The following ZNF704 variants were observed in gnomAD, a reference collection of about 807,000 sequenced individuals.
ZNF704 encodes glucocorticoid induced gene 1.
In ZNF704, 10 loss-of-function variants were observed where a neutral mutation model predicts 44.7. The ratio of observed to expected loss-of-function variants is 0.22; its 90% CI spans 0.14 to 0.38. ZNF704 has a LOEUF of 0.38. ZNF704 is among the 10% of genes least tolerant of loss of function. ZNF704 has a pLI of 1.00. For synonymous variants in ZNF704, 211 were observed against 207.6 expected, an observed-to-expected ratio of 1.02 and a Z score of -0.14; for missense variants, 390 against 545.5, an observed-to-expected ratio of 0.71 and a Z score of 2.84.
At chr8:80,680,507 T>C (rs1433808550) in intron 4 of ZNF704, among the ~76,000 whole-genome samples, 4 of 152,166 alleles carry the variant, frequency 2.6e-5, no homozygotes, top group African/African-American at 9.6e-5. Flanking sequence ...GCAGGTGAGT[T>C]GGCTGCATTA....
intron 7 of ZNF704, 89 bp downstream of exon 7, chr8:80,659,496 T>G: frequency 9.7e-7 from 1 of 1,031,962 alleles, no homozygotes; most frequent in Non-Finnish European, 1.5e-6. Context: ...GATGTTTGTA[T>G]TTTTCTTGCA....
At position 80,665,009 on chromosome 8, in the gene ZNF704, A is replaced by C. The variant is rs745631577; in HGVS notation, c.733T>G (p.Ser245Ala). 1 of 1,614,230 alleles carries C rather than the reference A, an allele frequency of 6.2e-7. No individual in the cohort carries two copies. Among genetic ancestry groups the C allele is most frequent in the Non-Finnish European group, 8.5e-7 (1 of 1,180,034 alleles). ...AGGCTGCTCAGCCCGTCTGCCACTG[A>C]GTCTGTGTTGAGCTTGATCTCAGTG... ...YYTEIKLNTDSVADGLSSLAP... is the reference protein window; with the variant it reads ...YYTEIKLNTDAVADGLSSLAP... Residue 245 changes from serine (S) to alanine (A), a missense_variant, in exon 6 of 9, where the codon TCA becomes GCA. Physicochemically the swap from Ser to Ala is moderately conservative, Grantham distance 99. Transcript: ENST00000327835.
intron 5 of ZNF704, among the ~76,000 whole-genome samples, chr8:80,666,787 C>T (rs1460902036): frequency 1.3e-5 from 2 of 149,420 alleles, no homozygotes; most frequent in Non-Finnish European, 3.0e-5. Flanking sequence ...CTGTTCATGT[C>T]CTTCGCCCAC....
chr8:80,643,148 A>T lies in ZNF704; in HGVS notation c.1033-19T>A, dbSNP rs1464533584. 6.3e-7 allele frequency: 1 copy of T among 1,584,376 alleles called. No individual in the cohort carries two copies. Among genetic ancestry groups the T allele is most frequent in the Non-Finnish European group, 8.6e-7 (1 of 1,163,090 alleles). On this transcript the variant is annotated intron_variant, in intron 7 of 8. Transcript: ENST00000327835. ...GTGACACCTGGTGAATACATGGAAA[A>T]GAAAGTTGATGGGGCAGGTTCTCCA...
intron 2 of ZNF704, among the ~76,000 whole-genome samples, chr8:80,754,243 C>A (rs1437511901): frequency 6.6e-6 from 1 of 152,076 alleles, no homozygotes; most frequent in Non-Finnish European, 1.5e-5. Flanking sequence ...AACGGGACAG[C>A]CAGTATCTCC....
At chr8:80,848,165 T>C (rs578148362) in intron 1 of ZNF704, among the ~76,000 whole-genome samples, 3 of 152,334 alleles carry the variant, frequency 2.0e-5, no homozygotes, top group East Asian at 3.9e-4. Context: ...TGCAATTCCA[T>C]GTATATAACA....
chr8:80,744,486 G>C (rs1340499674), intron 2 of ZNF704, among the ~76,000 whole-genome samples: 2 of 152,120 alleles, frequency 1.3e-5, no homozygotes, highest in Admixed American at 6.5e-5. Flanking sequence ...CCTTGTTGCA[G>C]AGTATAATCA....
Position 80,786,667 on chromosome 8 carries a change from G to A in ZNF704, c.221+34707C>T, listed in dbSNP as rs118041194. Among the ~76,000 whole-genome samples, 28 of 152,250 alleles carry A rather than the reference G, an allele frequency of 1.8e-4. No homozygotes were observed. In the East Asian group the frequency reaches 5.2e-3, roughly 28 times the overall value. ...ACTTTATCATAAAGAGAAATGTGCT[G>A]GTCTTGAAAAGTCATGAACTCTGTA... On this transcript the variant is annotated intron_variant, in intron 2 of 8. Transcript: ENST00000327835.
At chr8:80,755,237 CGGGCAGA>C (rs1563542248) in intron 2 of ZNF704, among the ~76,000 whole-genome samples, 1 of 151,990 alleles carries the variant, frequency 6.6e-6, no homozygotes, top group Non-Finnish European at 1.5e-5. Context: ...GAGGCCAAGA[CGGGCAGA>C]TCATGAGGTC....
intron 2 of ZNF704, among the ~76,000 whole-genome samples, chr8:80,761,411 T>C (rs920150569): frequency 6.6e-6 from 1 of 152,162 alleles, no homozygotes; most frequent in Non-Finnish European, 1.5e-5. Context: ...ATTCTAACTA[T>C]AAATTTAACC....
chr8:80,700,165 T>C (rs889577207), intron 2 of ZNF704, among the ~76,000 whole-genome samples: 1 of 152,216 alleles, frequency 6.6e-6, no homozygotes, highest in African/African-American at 2.4e-5. Flanking sequence ...CTTTGGCACA[T>C]AAATTACAGC....
At chr8:80,670,427 G>T (rs909234990) in intron 5 of ZNF704, 76 bp downstream of exon 5, 3 of 1,019,418 alleles carry the variant, frequency 2.9e-6, no homozygotes, top group South Asian at 1.3e-5. Context: ...GCACAGTGTG[G>T]TGTGCAATTT....
intron 2 of ZNF704, among the ~76,000 whole-genome samples, chr8:80,709,825 G>A (rs1243921563): frequency 6.6e-6 from 1 of 152,042 alleles, no homozygotes; most frequent in Non-Finnish European, 1.5e-5. Flanking sequence ...GGCTGCCGTG[G>A]ATCTGAAGCA....
At chr8:80,678,086 GTC>G (rs977568008) in intron 4 of ZNF704, among the ~76,000 whole-genome samples, 7 of 152,160 alleles carry the variant, frequency 4.6e-5, no homozygotes, top group African/African-American at 1.7e-4. Context: ...CCTGAGGAAA[GTC>G]TGAGTTCACC....
intron 2 of ZNF704, among the ~76,000 whole-genome samples, chr8:80,764,734 C>A (rs1807198528): frequency 6.6e-6 from 1 of 152,194 alleles, no homozygotes; most frequent in East Asian, 1.9e-4. Context: ...TCTGCTTTTG[C>A]AGCACCAATA....
chr8:80,798,067 A>C (rs748512836), intron 2 of ZNF704, among the ~76,000 whole-genome samples: 1 of 151,308 alleles, frequency 6.6e-6, no homozygotes, highest in Non-Finnish European at 1.5e-5. Flanking sequence ...TTTTCATTTT[A>C]ATTTTTAAAA....
At chr8:80,812,654 A>C (rs1808108221) in intron 2 of ZNF704, 1 of 152,432 alleles carries the variant, frequency 6.6e-6, no homozygotes, top group East Asian at 1.9e-4. Context: ...AGAGTCACCC[A>C]GTGCCCTTCT....
chr8:80,726,802 T>TAAAA (rs1806488584), intron 2 of ZNF704, among the ~76,000 whole-genome samples: 1 of 151,332 alleles, frequency 6.6e-6, no homozygotes, highest in African/African-American at 2.4e-5. Context: ...CTTTACATCT[T>TAAAA]CCAATTCATG....
At position 80,873,890 on chromosome 8, in the gene ZNF704, G is replaced by C. The variant is rs1028495825; in HGVS notation, c.-22+681C>G. 9.3e-4 allele frequency among the ~76,000 whole-genome samples: 135 copies of C among 145,670 alleles called. 2 individuals carry two copies. In the East Asian group the frequency reaches 0.026, roughly 28 times the overall value. Reference sequence around the variant, plus strand: ...CGGCAGCGGCGGCCTCCAGCTCTCCGGGGCGGGCGCCGGGGCCGGGCCCGG... The same window carrying C: ...CGGCAGCGGCGGCCTCCAGCTCTCCCGGGCGGGCGCCGGGGCCGGGCCCGG... On this transcript the variant is annotated intron_variant, in intron 1 of 8. Coordinates refer to ENST00000327835, the MANE Select transcript of ZNF704 (RefSeq NM_001033723.3).
Sources: allele counts gnomAD v4.1 joint callset (sites outside exome capture counted in the v4.1 genomes callset), GRCh38; gene constraint gnomAD v4.1.1; transcripts MANE v1.5; gene names NCBI Gene and HGNC (gene_info 2026-07-23, HGNC 2026-07-21).